The following DPY19L2 variants were observed in gnomAD, a reference collection of about 807,000 sequenced individuals.
The protein encoded by DPY19L2 is dpy-19 like 2.
DPY19L2 carries 34 observed loss-of-function variants against 97.9 expected under a neutral mutation model. That is an observed-to-expected ratio of 0.35 (90% CI 0.26 to 0.46). DPY19L2 has a LOEUF of 0.46. Among genes scored for constraint, DPY19L2 ranks in the 20% least tolerant of loss-of-function variants. The pLI, the probability that DPY19L2 is intolerant of heterozygous loss-of-function variation, is 1.00. For missense variants in DPY19L2, 623 were observed against 911.4 expected, an observed-to-expected ratio of 0.68 and a Z score of 4.07; for synonymous variants, 230 against 307.9, an observed-to-expected ratio of 0.75 and a Z score of 2.65.
chr12:63,633,956 C>A (rs1482920967), intron 6 of DPY19L2, among the ~76,000 whole-genome samples: 1 of 152,016 alleles, frequency 6.6e-6, no homozygotes, highest in Admixed American at 6.6e-5. Context: ...AGCAAACTAT[C>A]GCAAAGACAA....
At chr12:63,589,004 T>A (rs753181021) in intron 16 of DPY19L2, among the ~76,000 whole-genome samples, 1 of 151,856 alleles carries the variant, frequency 6.6e-6, no homozygotes, top group Non-Finnish European at 1.5e-5. Flanking sequence ...CCGCCCACCT[T>A]GGCCTCCCAA....
chr12:63,623,229 C>T (rs1371607588), intron 8 of DPY19L2, among the ~76,000 whole-genome samples: 1 of 150,842 alleles, frequency 6.6e-6, no homozygotes, highest in East Asian at 1.9e-4. Context: ...AAATGTAATC[C>T]CTACAAAAAA....
At chr12:63,581,499 T>TTC (rs1555184283) in intron 18 of DPY19L2, among the ~76,000 whole-genome samples, 3 of 141,374 alleles carry the variant, frequency 2.1e-5, no homozygotes, top group Non-Finnish European at 4.7e-5. Context: ...TTTTTTTTTT[T>TTC]CTGAGACAGA....
chr12:63,614,204 A>AG (rs1887494811), intron 11 of DPY19L2, among the ~76,000 whole-genome samples: 3 of 151,292 alleles, frequency 2.0e-5, no homozygotes, highest in African/African-American at 4.8e-5. Flanking sequence ...AAAAAAAAAA[A>AG]AAGAAGAAAA....
Position 63,560,310 on chromosome 12 carries a change from T to C in DPY19L2, c.*202A>G, listed in dbSNP as rs965242171. ...ATGACATGAATGATTTAATAACTTATATGACAAGCTTAATAAGGCTGACAT... is the reference window on the plus strand; with the variant it reads ...ATGACATGAATGATTTAATAACTTACATGACAAGCTTAATAAGGCTGACAT... On this transcript the variant is annotated 3_prime_UTR_variant, in exon 22 of 22. Coordinates refer to ENST00000324472, the MANE Select transcript of DPY19L2 (RefSeq NM_173812.5). The C allele has an allele frequency of 1.0e-4, 54 of 516,430 alleles. 1 individual carries two copies. Among genetic ancestry groups the C allele is most frequent in the Non-Finnish European group, 1.6e-4 (50 of 309,600 alleles). The allele number at this position is 516,430 out of a possible 1,614,324, so 32.0% of individuals were successfully genotyped here.
At chr12:63,610,861 A>AC (rs1326355630) in intron 11 of DPY19L2, among the ~76,000 whole-genome samples, 9 of 99,138 alleles carry the variant, frequency 9.1e-5, no homozygotes, top group African/African-American at 2.3e-4. Context: ...AAAAAAAAAA[A>AC]AAAAAAAAAA....
intron 7 of DPY19L2, among the ~76,000 whole-genome samples, chr12:63,625,162 C>T (rs1889318064): frequency 1.3e-5 from 2 of 152,124 alleles, no homozygotes; most frequent in East Asian, 3.9e-4. Context: ...TTTTGGGAGG[C>T]CAAGGTGGGT....
intron 12 of DPY19L2, among the ~76,000 whole-genome samples, chr12:63,607,493 G>A (rs1276380007): frequency 6.6e-6 from 1 of 152,214 alleles, no homozygotes; most frequent in East Asian, 1.9e-4. Context: ...ACAACTTAGT[G>A]GACAAATCTT....
intron 19 of DPY19L2, among the ~76,000 whole-genome samples, chr12:63,579,002 C>G (rs1251033576): frequency 1.3e-5 from 2 of 151,956 alleles, no homozygotes; most frequent in Admixed American, 1.3e-4. Flanking sequence ...GGGCCAGGGT[C>G]TTCCAAAAAA....
At chr12:63,562,320 T>C (rs1344961350) in intron 21 of DPY19L2, among the ~76,000 whole-genome samples, 28 of 152,176 alleles carry the variant, frequency 1.8e-4, no homozygotes, top group Non-Finnish European at 5.9e-5. Context: ...GTAGAATTAT[T>C]TTGAGATCCA....
chr12:63,657,245 C>A (rs2532196), intron 4 of DPY19L2, among the ~76,000 whole-genome samples: 2 of 152,098 alleles, frequency 1.3e-5, no homozygotes, highest in Admixed American at 6.5e-5. Context: ...GCTATAGTTA[C>A]CAAAGCTGGA....
intron 16 of DPY19L2, among the ~76,000 whole-genome samples, chr12:63,592,165 G>A (rs1162204068): frequency 5.5e-5 from 8 of 146,712 alleles, no homozygotes; most frequent in Non-Finnish European, 1.5e-5. Flanking sequence ...AAGGAAGGCA[G>A]GAAAGAAGGA....
intron 16 of DPY19L2, among the ~76,000 whole-genome samples, chr12:63,585,106 T>A (rs1371298997): frequency 6.6e-6 from 1 of 152,004 alleles, no homozygotes; most frequent in Non-Finnish European, 1.5e-5. Flanking sequence ...GCCCTGCAGA[T>A]AAGGGCAACT....
At chr12:63,562,321 T>C (rs967940744) in intron 21 of DPY19L2, among the ~76,000 whole-genome samples, 16 of 152,188 alleles carry the variant, frequency 1.1e-4, no homozygotes, top group East Asian at 1.9e-4. Context: ...TAGAATTATT[T>C]TGAGATCCAT....
intron 1 of DPY19L2, among the ~76,000 whole-genome samples, chr12:63,666,171 T>G (rs1896314428): frequency 6.6e-6 from 1 of 152,074 alleles, no homozygotes; most frequent in Non-Finnish European, 1.5e-5. Context: ...TTTTCAGTAT[T>G]ATTTTCTATT....
intron 6 of DPY19L2, among the ~76,000 whole-genome samples, chr12:63,627,515 G>A (rs1889773894): frequency 1.3e-5 from 2 of 151,996 alleles, no homozygotes; most frequent in East Asian, 1.9e-4. Context: ...CACACCTGGC[G>A]ATTTTTGTAT....
rs557778926 is a variant in DPY19L2 at position 63,570,819 on chromosome 12, T to G, written c.1939A>C (p.Ile647Leu). Residue 647 changes from isoleucine (I) to leucine (L), a missense_variant, in exon 20 of 22, where the codon ATC (isoleucine) becomes CTC (leucine). By Grantham distance (5) the Ile-to-Leu change is conservative. Transcript: ENST00000324472. Reference protein sequence around the residue: ...FAGAMPTMASIKLSTLHPIVN... With the variant: ...FAGAMPTMASLKLSTLHPIVN... ...ATGGGATGAAGTGTAGACAGCTTGATGCTTGCCATTGTAGGCATGGCACCT... is the reference window on the plus strand; with the variant it reads ...ATGGGATGAAGTGTAGACAGCTTGAGGCTTGCCATTGTAGGCATGGCACCT... The G allele has an allele frequency of 6.4e-7, 1 of 1,574,624 alleles. No individual in the cohort carries two copies. Among genetic ancestry groups the G allele is most frequent in the Non-Finnish European group, 8.6e-7 (1 of 1,160,294 alleles).
chr12:63,589,713 A>C (rs1490718307), intron 16 of DPY19L2, among the ~76,000 whole-genome samples: 2 of 152,196 alleles, frequency 1.3e-5, no homozygotes, highest in Non-Finnish European at 2.9e-5. Context: ...TATAACTGTG[A>C]TTGTAGAGAA....
Position 63,597,809 on chromosome 12 carries a change from C to T in DPY19L2, c.1461G>A (p.Ala487=), listed in dbSNP as rs779899962. 21 of 1,602,784 alleles carry T rather than the reference C, an allele frequency of 1.3e-5. No homozygotes were observed. The highest frequency in any genetic ancestry group is 3.4e-5 in the Admixed American group (2 of 59,046). The change falls in exon 14 of 22, where the codon GCG becomes GCA. Residue 487 remains alanine, a splice_region_variant and synonymous_variant. Transcript: ENST00000324472. Reference sequence around the variant, plus strand: ...AGAAGGAAAAAAGAAACATTCATACCGCTTTTTCCATGAAGTCAAATTCGG... The same window carrying T: ...AGAAGGAAAAAAGAAACATTCATACTGCTTTTTCCATGAAGTCAAATTCGG... ...CAPEFDFMEK[A]TPLRYTKTLL...
Sources: gnomAD v4.1 joint callset for allele counts (sites outside exome capture counted in the v4.1 genomes callset) on GRCh38, gnomAD v4.1.1 for gene constraint, MANE v1.5 for transcripts, NCBI Gene and HGNC (gene_info 2026-07-23, HGNC 2026-07-21) for gene names.